TP53BP1: variants seen among roughly 807,000 people sequenced by gnomAD.
TP53BP1 encodes the protein TP53-binding protein 1.
A neutral mutation model predicts 200.8 loss-of-function variants in TP53BP1; 61 were observed. The ratio of observed to expected loss-of-function variants is 0.30; its 90% CI spans 0.25 to 0.38. The LOEUF is 0.38. Among genes scored for constraint, TP53BP1 ranks in the 10% least tolerant of loss-of-function variants. The pLI is 1.00. For missense variants in TP53BP1, 2,144 were observed against 2,371.9 expected, an observed-to-expected ratio of 0.90 and a Z score of 2.00; for synonymous variants, 822 against 844.3, an observed-to-expected ratio of 0.97 and a Z score of 0.46.
chr15:43,409,601 C>T (rs752135261), intron 25 of TP53BP1, 46 bp downstream of exon 25: 2 of 1,078,496 alleles, frequency 1.9e-6, no homozygotes, highest in South Asian at 1.7e-5. Context: ...AGCAAGTTGG[C>T]TCTTATCATT....
chr15:43,468,521 T>C (rs1180928707), intron 11 of TP53BP1, among the ~76,000 whole-genome samples: 1 of 142,472 alleles, frequency 7.0e-6, no homozygotes, highest in Non-Finnish European at 1.5e-5. Flanking sequence ...CACTCCAGCC[T>C]GGGCAACAGA....
intron 21 of TP53BP1, among the ~76,000 whole-genome samples, chr15:43,417,439 T>C (rs1383204307): frequency 6.6e-6 from 1 of 152,086 alleles, no homozygotes; most frequent in African/African-American, 2.4e-5. Context: ...TAAATCTCTA[T>C]CCCCAAACTA....
chr15:43,431,298 T>C (rs1383335145), intron 17 of TP53BP1, among the ~76,000 whole-genome samples: 1 of 152,178 alleles, frequency 6.6e-6, no homozygotes, highest in Admixed American at 6.5e-5. Context: ...GACTACTGTT[T>C]ACTAGTAACT....
chr15:43,488,407 G>C (rs1341681000), intron 4 of TP53BP1, among the ~76,000 whole-genome samples: 1 of 152,146 alleles, frequency 6.6e-6, no homozygotes, highest in East Asian at 1.9e-4. Context: ...GGCTGCCAGG[G>C]GTTTGGGTGC....
At position 43,510,515 on chromosome 15, in the gene TP53BP1, A is replaced by C. The variant is rs528211478; in HGVS notation, c.-154T>G. On this transcript the variant is annotated 5_prime_UTR_variant, in exon 1 of 28. Coordinates refer to the TP53BP1 transcript ENST00000263801. The stretch of plus-strand genomic sequence containing the variant: ...GGCAGGCAGTGACAAAAAACAAAAA[A>C]AAAAAAAAACACGCCAAACAACGAT... 1.7e-4 allele frequency: 26 copies of C among 155,646 alleles called. No individual in the cohort carries two copies. The South Asian group carries it at 2.4e-3, about 14-fold the overall frequency. 9.6% of individuals were successfully genotyped at this position (155,646 alleles called of 1,614,324 possible).
At position 43,405,328 on chromosome 15, in the gene TP53BP1, ACT is replaced by A; in HGVS notation, c.*2053_*2054del. The A allele has an allele frequency of 8.2e-7, 1 of 1,219,688 alleles. No individual in the cohort carries two copies. Among genetic ancestry groups the A allele is most frequent in the Non-Finnish European group, 1.2e-6 (1 of 839,058 alleles). The allele number at this position is 1,219,688 out of a possible 1,614,324, so 75.6% of individuals were successfully genotyped here. A position where few individuals can be genotyped will look rare whatever the true frequency, so the allele number is the denominator to read the frequency against. On this transcript the variant is annotated 3_prime_UTR_variant, in exon 28 of 28. Transcript: ENST00000382044. ...TAAATATCTGCGGCTTAGTGATAGG[ACT>A]CTACCTTTTCTCCTAGAAGCAGTTA...
At position 43,481,014 on chromosome 15, in the gene TP53BP1, C is replaced by A; in HGVS notation, c.380G>T (p.Gly127Val). 2 of 1,614,100 alleles carry A rather than the reference C, an allele frequency of 1.2e-6. No individual in the cohort carries two copies. The highest frequency in any genetic ancestry group is 1.7e-6 in the Non-Finnish European group (2 of 1,180,008). Residue 127 changes from glycine (G) to valine (V), a missense_variant, in exon 5 of 28, where the codon GGA (glycine) becomes GTA (valine). Physicochemically the swap from Gly to Val is moderately radical, Grantham distance 109 (BLOSUM62 -3). Around this residue, in one of 4 missense-constraint regions of TP53BP1, gnomAD observed 1,700 missense variants for 1,710.3 expected, o/e 0.99. Coordinates refer to ENST00000382044, the MANE Select transcript of TP53BP1 (RefSeq NM_001141980.3). ...PQPNRTSSVL[G>V]MSVESAPAVE... The stretch of plus-strand genomic sequence containing the variant: ...AGCAGGAGCAGATTCCACTGACATT[C>A]CCAGAACACTACACAGCAGAAGGAT...
At chr15:43,475,442 A>C in intron 9 of TP53BP1, 123 bp downstream of exon 9, 2 of 1,133,178 alleles carry the variant, frequency 1.8e-6, no homozygotes, top group South Asian at 3.3e-5. Context: ...TCTAATGCAT[A>C]GGTTCTACCA....
At chr15:43,418,866 A>C (rs1595529157) in intron 21 of TP53BP1, among the ~76,000 whole-genome samples, 1 of 152,244 alleles carries the variant, frequency 6.6e-6, no homozygotes. Flanking sequence ...CAATCAAAGC[A>C]GGTAGCTAAG....
intron 4 of TP53BP1, among the ~76,000 whole-genome samples, chr15:43,484,355 T>A (rs2081734968): frequency 6.6e-6 from 1 of 152,204 alleles, no homozygotes; most frequent in Non-Finnish European, 1.5e-5. Flanking sequence ...CCAGCCACTA[T>A]CACCTTTTGC....
intron 14 of TP53BP1, 128 bp downstream of exon 14, chr15:43,446,259 T>C: frequency 1.4e-6 from 1 of 733,372 alleles, no homozygotes; most frequent in Non-Finnish European, 2.2e-6. Flanking sequence ...AAGAATTAAA[T>C]CTATGAGTGT....
At chr15:43,496,849 G>A (rs1055398677), upstream of TP53BP1, among the ~76,000 whole-genome samples, 5 of 151,928 alleles carry the variant, frequency 3.3e-5, no homozygotes, top group South Asian at 2.1e-4. Context: ...CTCGAACTCC[G>A]GCCTCAGGTG....
chr15:43,474,548 G>A, intron 10 of TP53BP1, 125 bp downstream of exon 10: 3 of 539,140 alleles, frequency 5.6e-6, no homozygotes, highest in Middle Eastern at 2.9e-4. Context: ...AGACAAACAT[G>A]AGTCCTACCG....
intron 12 of TP53BP1, among the ~76,000 whole-genome samples, chr15:43,452,819 AAT>A (rs2143008258): frequency 6.6e-6 from 1 of 152,300 alleles, no homozygotes; most frequent in Admixed American, 6.5e-5. Context: ...GCCAATTAAC[AAT>A]GTAAACAAGA....
At chr15:43,469,816 A>G (rs776487495) in intron 11 of TP53BP1, 42 bp downstream of exon 11, 1 of 1,527,014 alleles carries the variant, frequency 6.5e-7, no homozygotes, top group African/African-American at 1.4e-5. Flanking sequence ...TGCTGCTTTA[A>G]AAAAATATGT....
chr15:43,407,130 G>T lies in TP53BP1; in HGVS notation c.*253C>A. On this transcript the variant is annotated 3_prime_UTR_variant, in exon 28 of 28. Coordinates refer to ENST00000382044, the MANE Select transcript of TP53BP1 (RefSeq NM_001141980.3). ...CCAGCTGTCCTCCGTAAGTGAATAA[G>T]CCTGTTGAAAGACTCAGAGAAAGTA... is the stretch of plus-strand genomic sequence containing the variant. 1 of 421,726 alleles carries T rather than the reference G, an allele frequency of 2.4e-6. No individual in the cohort carries two copies. Among genetic ancestry groups the T allele is most frequent in the Non-Finnish European group, 4.3e-6 (1 of 231,906 alleles). The allele number at this position is 421,726 out of a possible 1,614,324, so 26.1% of individuals were successfully genotyped here. A position where few individuals can be genotyped will look rare whatever the true frequency, so the allele number is the denominator to read the frequency against.
Position 43,479,771 on chromosome 15 carries a change from A to C in TP53BP1, c.658+88T>G. ...TTACTTAGATTATATTAATTTGGAT[A>C]GCTGCAAAACTTATCAAAGAAAAAA... On this transcript the variant is annotated intron_variant, in intron 6 of 27. Transcript: ENST00000382044. The C allele has an allele frequency of 9.5e-6, 14 of 1,470,930 alleles. No homozygotes were observed. The Admixed American group carries it at 1.0e-4, about 11-fold the overall frequency. 91.1% of individuals were successfully genotyped at this position (1,470,930 alleles called of 1,614,324 possible).
chr15:43,454,416 T>A (rs538594796), intron 12 of TP53BP1, among the ~76,000 whole-genome samples: 3 of 151,900 alleles, frequency 2.0e-5, no homozygotes, highest in Admixed American at 1.3e-4. Flanking sequence ...CAGGCTGTAG[T>A]GCAATGGCGC....
chr15:43,424,464 T>A (rs973012022), intron 18 of TP53BP1, among the ~76,000 whole-genome samples: 22 of 152,244 alleles, frequency 1.4e-4, no homozygotes, highest in Admixed American at 1.0e-3. Flanking sequence ...TGTTTTCACA[T>A]CTGCAAAATG....
Sources: gnomAD v4.1 joint callset for allele counts (sites outside exome capture counted in the v4.1 genomes callset) on GRCh38, gnomAD v4.1.1 for gene constraint, gnomAD v4.1.1 regional missense constraint, MANE v1.5 for transcripts, NCBI Gene and HGNC (gene_info 2026-07-23, HGNC 2026-07-21) for gene names.